The following TPP2 variants were observed in gnomAD, a reference collection of about 807,000 sequenced individuals.
The protein encoded by TPP2 is tripeptidyl-peptidase 2.
A neutral mutation model predicts 155.9 loss-of-function variants in TPP2; 34 were observed. The observed-to-expected ratio is 0.22, with a 90% confidence interval of 0.17 to 0.29. The LOEUF is 0.29. TPP2 is among the 10% of genes least tolerant of loss of function. TPP2 has a pLI of 1.00. For synonymous variants in TPP2, 510 were observed against 529.4 expected (o/e 0.96, Z 0.50); for missense variants, 1,028 against 1,522.3 (o/e 0.68, Z 5.40).
At chr13:102,598,238 C>G (rs1226167870) in intron 1 of TPP2, among the ~76,000 whole-genome samples, 1 of 152,216 alleles carries the variant, frequency 6.6e-6, no homozygotes, top group Admixed American at 6.5e-5. Context: ...ACTAATCCTA[C>G]TGTATGCTGA....
intron 3 of TPP2, among the ~76,000 whole-genome samples, chr13:102,615,736 C>T (rs1880670068): frequency 6.6e-6 from 1 of 152,132 alleles, no homozygotes; most frequent in African/African-American, 2.4e-5. Context: ...TATGGCATTT[C>T]CCAATTTTGT....
At chr13:102,642,089 T>G (rs1882806057) in intron 16 of TPP2, among the ~76,000 whole-genome samples, 1 of 152,224 alleles carries the variant, frequency 6.6e-6, no homozygotes, top group Non-Finnish European at 1.5e-5. Flanking sequence ...GGGGGCAGGT[T>G]TCTAAATTTT....
chr13:102,675,608 T>C (rs1261339502), intron 28 of TPP2, among the ~76,000 whole-genome samples: 4 of 152,230 alleles, frequency 2.6e-5, no homozygotes, highest in African/African-American at 7.2e-5. Flanking sequence ...CTTTGAGGAA[T>C]GTAACAGAGA....
intron 8 of TPP2, among the ~76,000 whole-genome samples, chr13:102,629,059 T>C (rs2139483506): frequency 6.6e-6 from 1 of 152,348 alleles, no homozygotes; most frequent in Middle Eastern, 3.4e-3. Flanking sequence ...ATCTTGCTCT[T>C]AAGTTCTTCC....
chr13:102,679,903 T>A lies in TPP2; in HGVS notation c.*1587T>A, dbSNP rs1885518958. The A allele has an allele frequency of 6.6e-6, 1 of 152,240 alleles. No individual in the cohort carries two copies. Among genetic ancestry groups the A allele is most frequent in the Non-Finnish European group, 1.5e-5 (1 of 68,032 alleles). The allele number at this position is 152,240 out of a possible 1,614,324, so 9.4% of individuals were successfully genotyped here. ...AGCAGGAATCAGTAACGTTTGGCCCTTTAACCCAAACTGGACTGCTGCCTG... is the reference window on the plus strand; with the variant it reads ...AGCAGGAATCAGTAACGTTTGGCCCATTAACCCAAACTGGACTGCTGCCTG... On this transcript the variant is annotated 3_prime_UTR_variant, in exon 30 of 30. Coordinates refer to ENST00000376052, the MANE Select transcript of TPP2 (RefSeq NM_001330588.2).
chr13:102,664,507 A>T (rs1196123714), intron 26 of TPP2, among the ~76,000 whole-genome samples: 1 of 152,198 alleles, frequency 6.6e-6, no homozygotes, highest in Non-Finnish European at 1.5e-5. Flanking sequence ...TTAAAAAAAA[A>T]ACTTTACATT....
chr13:102,671,477 G>A (rs1322564414), intron 27 of TPP2, among the ~76,000 whole-genome samples: 2 of 152,188 alleles, frequency 1.3e-5, no homozygotes, highest in Non-Finnish European at 2.9e-5. Flanking sequence ...AGGGGTAGGG[G>A]AGAAACAACA....
chr13:102,677,761 C>T (rs1324461259), intron 29 of TPP2, among the ~76,000 whole-genome samples: 4 of 152,220 alleles, frequency 2.6e-5, no homozygotes, highest in Admixed American at 2.0e-4. Context: ...ATTATTTCTA[C>T]TGTACACCTG....
intron 5 of TPP2, 116 bp downstream of exon 5, chr13:102,618,962 A>G: frequency 7.6e-7 from 1 of 1,316,946 alleles, no homozygotes; most frequent in Non-Finnish European, 9.9e-7. Flanking sequence ...ATCACTCAGC[A>G]AAATCATTTA....
intron 5 of TPP2, among the ~76,000 whole-genome samples, chr13:102,620,794 AAC>A (rs1300286826): frequency 1.3e-5 from 2 of 152,324 alleles, no homozygotes; most frequent in East Asian, 1.9e-4. Flanking sequence ...GGTTGAGAGA[AAC>A]AGTGTTTACA....
chr13:102,622,952 A>G lies in TPP2; in HGVS notation c.696A>G (p.Glu232=). 1 of 1,614,206 alleles carries G rather than the reference A, an allele frequency of 6.2e-7. No individual in the cohort carries two copies. The change falls in exon 6 of 30, where the codon GAA becomes GAG. Residue 232 remains glutamate (E), a synonymous_variant. Coordinates refer to ENST00000376052, the MANE Select transcript of TPP2 (RefSeq NM_001330588.2). ...TGAGAAACTACAAAGAAGCCCAAGAATATGGCTCTTTTGGCACAGCTGAGA... is the reference window on the plus strand; with the variant it reads ...TGAGAAACTACAAAGAAGCCCAAGAGTATGGCTCTTTTGGCACAGCTGAGA... ...TVLRNYKEAQ[E]YGSFGTAEML... is the part of the protein sequence containing the mutation.
intron 23 of TPP2, among the ~76,000 whole-genome samples, chr13:102,650,241 C>T (rs1296084885): frequency 6.6e-6 from 1 of 152,102 alleles, no homozygotes; most frequent in Non-Finnish European, 1.5e-5. Context: ...TAAAAGTTGT[C>T]ATTCTTAACA....
At chr13:102,605,183 T>C (rs1879727945) in intron 2 of TPP2, among the ~76,000 whole-genome samples, 1 of 151,862 alleles carries the variant, frequency 6.6e-6, no homozygotes, top group Non-Finnish European at 1.5e-5. Flanking sequence ...AGCTGAAGGC[T>C]CAGCTTGGGA....
intron 1 of TPP2, among the ~76,000 whole-genome samples, chr13:102,597,544 C>T (rs1013983944): frequency 1.4e-4 from 22 of 152,050 alleles, no homozygotes; most frequent in African/African-American, 4.8e-4. Flanking sequence ...CCTTCCTTCT[C>T]GCTTCGGCGC....
chr13:102,645,623 A>G (rs1031668857), intron 19 of TPP2, among the ~76,000 whole-genome samples: 1 of 152,264 alleles, frequency 6.6e-6, no homozygotes. Context: ...ATCAATAAAA[A>G]TTAAAACATC....
In TPP2 at chr13:102,663,719, G is replaced by C. The variant is rs545669391; in HGVS notation, c.3215G>C (p.Arg1072Pro). 6.2e-7 allele frequency: 1 copy of C among 1,602,594 alleles called. No homozygotes were observed. Among genetic ancestry groups the C allele is most frequent in the South Asian group, 1.1e-5 (1 of 87,954 alleles). ...AATTATCTTCCTCTGTACGTTGCACGACTTCATCAATTGGATGCTGAAAAG... is the reference window on the plus strand; with the variant it reads ...AATTATCTTCCTCTGTACGTTGCACCACTTCATCAATTGGATGCTGAAAAG... ...YPNYLPLYVARLHQLDAEKER... is the reference protein window; with the variant it reads ...YPNYLPLYVAPLHQLDAEKER... The change falls in exon 26 of 30, where the codon CGA becomes CCA. Residue 1072 changes from arginine to proline, a missense_variant. Arg to Pro is a moderately radical substitution (Grantham distance 103, BLOSUM62 -2). Transcript: ENST00000376052.
chr13:102,611,403 C>T (rs967738347), intron 2 of TPP2, among the ~76,000 whole-genome samples: 5 of 152,182 alleles, frequency 3.3e-5, no homozygotes, highest in East Asian at 1.9e-4. Flanking sequence ...AGGCCGGGCA[C>T]GGTGGCTCAC....
intron 8 of TPP2, among the ~76,000 whole-genome samples, chr13:102,628,403 G>T (rs907154674): frequency 1.3e-5 from 2 of 152,062 alleles, no homozygotes; most frequent in Non-Finnish European, 2.9e-5. Flanking sequence ...CCCGACAGAC[G>T]CCCAGACTTG....
chr13:102,633,690 C>T (rs961877278), intron 10 of TPP2, among the ~76,000 whole-genome samples: 5 of 152,296 alleles, frequency 3.3e-5, no homozygotes, highest in Admixed American at 1.3e-4. Context: ...TGTGGCCTGT[C>T]ACACATGCCC....
Sources: gnomAD v4.1 joint callset for allele counts (sites outside exome capture counted in the v4.1 genomes callset) on GRCh38, gnomAD v4.1.1 for gene constraint, MANE v1.5 for transcripts, NCBI Gene and HGNC (gene_info 2026-07-23, HGNC 2026-07-21) for gene names.